MYO18A: variants seen among roughly 807,000 people sequenced by gnomAD.
MYO18A encodes the protein myosin XVIIIA, also known as unconventional myosin-XVIIIa.
Under a neutral mutation model 235.8 loss-of-function variants are expected in MYO18A, and 78 were observed. That is an observed-to-expected ratio of 0.33 (90% CI 0.28 to 0.40). The LOEUF (loss-of-function observed/expected upper bound fraction) is 0.40. Ranked by LOEUF, MYO18A falls within the 10% of genes least tolerant of loss-of-function variation. MYO18A has a pLI of 1.00. For missense variants in MYO18A, 2,215 were observed against 2,699.3 expected, an observed-to-expected ratio of 0.82 and a Z score of 3.98; for synonymous variants, 977 against 1,077.8, an observed-to-expected ratio of 0.91 and a Z score of 1.83.
In MYO18A at chr17:29,106,632, G is replaced by C. The variant is rs1229582637; in HGVS notation, c.3441+448C>G. Among the ~76,000 whole-genome samples, 1 of 152,178 alleles carries C rather than the reference G, an allele frequency of 6.6e-6. No homozygotes were observed. The highest frequency in any genetic ancestry group is 2.4e-5 in the African/African-American group (1 of 41,438). ...GCCACAAGTTCACCAACCAGGGCCG[G>C]CAAATGGCCCGGCAGCCTATGTTCA... On this transcript the variant is annotated intron_variant, in intron 20 of 41. Transcript: ENST00000527372. This position sits in a 1 kb window ranked among gnomAD's most constrained non-coding sequence, Gnocchi z 4.6.
Position 29,121,452 on chromosome 17 carries a change from G to A in MYO18A, c.1371+95C>T. Reference sequence around the variant, plus strand: ...CTTCCCAAGGTCAACTGTGAGAGTGGACAGGAGCCCAGTGGGGTGCCACAG... The same window carrying A: ...CTTCCCAAGGTCAACTGTGAGAGTGAACAGGAGCCCAGTGGGGTGCCACAG... On this transcript the variant is annotated intron_variant, in intron 5 of 41. Transcript: ENST00000527372. This position sits in a 1 kb window ranked among gnomAD's most constrained non-coding sequence, Gnocchi z 4.2. The A allele has an allele frequency of 1.5e-6, 2 of 1,338,408 alleles. No individual in the cohort carries two copies. Among genetic ancestry groups the A allele is most frequent in the Non-Finnish European group, 2.0e-6 (2 of 988,496 alleles). 82.9% of individuals were successfully genotyped at this position (1,338,408 alleles called of 1,614,324 possible). A position where few individuals can be genotyped will look rare whatever the true frequency, so the allele number is the denominator to read the frequency against.
At chr17:29,112,091 G>C (rs2066944454) in intron 15 of MYO18A, among the ~76,000 whole-genome samples, 1 of 152,184 alleles carries the variant, frequency 6.6e-6, no homozygotes, top group African/African-American at 2.4e-5. Context: ...AGCAAAAGAG[G>C]GTGCTTAGCA....
rs562941741 is a variant in MYO18A, at chr17:29,170,615, G to A, written c.-81-3594C>T. Among the ~76,000 whole-genome samples the A allele has an allele frequency of 7.9e-5, 12 of 152,150 alleles. No individual in the cohort carries two copies. In the South Asian group the frequency reaches 2.5e-3, roughly 32 times the overall value. On this transcript the variant is annotated intron_variant, in intron 1 of 41. Coordinates refer to ENST00000527372, the MANE Select transcript of MYO18A (RefSeq NM_078471.4). ...TATAATTTTCCTGACCTCCTTTTCT[G>A]CGTTTCTCTCCTCATCATACTCTAA... is the stretch of plus-strand genomic sequence containing the variant.
At chr17:29,080,403 G>A in intron 41 of MYO18A, 1 of 986,138 alleles carries the variant, frequency 1.0e-6, no homozygotes, top group Non-Finnish European at 1.2e-6. Flanking sequence ...ACGGGTGGCT[G>A]TACTGCGAGC....
intron 28 of MYO18A, among the ~76,000 whole-genome samples, chr17:29,095,534 C>T (rs984241101): frequency 2.6e-5 from 4 of 152,228 alleles, no homozygotes; most frequent in African/African-American, 9.6e-5. Context: ...GCCAGGACCA[C>T]GCACCCCAGC....
In MYO18A at chr17:29,140,491, G is replaced by C; in HGVS notation, c.1000-18238C>G. 8.9e-7 allele frequency: 1 copy of C among 1,120,280 alleles called. No homozygotes were observed. The highest frequency in any genetic ancestry group is 1.1e-6 in the Non-Finnish European group (1 of 883,208). The allele number at this position is 1,120,280 out of a possible 1,614,324, so 69.4% of individuals were successfully genotyped here. On this transcript the variant is annotated intron_variant, in intron 2 of 41. Coordinates refer to ENST00000527372, the MANE Select transcript of MYO18A (RefSeq NM_078471.4). The surrounding 1 kb of genome is among the most constrained non-coding windows in gnomAD (Gnocchi z 4.2). ...TCCCGTCCCGAGCTGCCCAGCCCTA[G>C]TTGGAGCCAGCAGCCCGGAGGACTT...
In MYO18A at chr17:29,166,186, C is replaced by G. The variant is rs777565962; in HGVS notation, c.755G>C (p.Arg252Pro). 1.2e-6 allele frequency: 2 copies of G among 1,612,832 alleles called. No homozygotes were observed. The highest frequency in any genetic ancestry group is 1.7e-6 in the Non-Finnish European group (2 of 1,179,884). ...DRGPEGQACR[R>P]VVHFAEPGAG... ...ACCAGGCTCAGCAAAGTGGACCACA[C>G]GCCGACAGGCCTGGCCCTCGGGGCC... The change falls in exon 2 of 42, where the codon CGT (arginine) becomes CCT (proline). Residue 252 changes from arginine (R) to proline (P), a missense_variant. By Grantham distance (103) the Arg-to-Pro change is moderately radical. Coordinates refer to ENST00000527372, the MANE Select transcript of MYO18A (RefSeq NM_078471.4).
intron 38 of MYO18A, 45 bp from the exon 39 acceptor site, chr17:29,086,622 C>T (rs762746585): frequency 1.3e-6 from 2 of 1,598,106 alleles, no homozygotes; most frequent in East Asian, 2.2e-5. Flanking sequence ...GCTAGCTTCT[C>T]CCCTAGATGG....
At chr17:29,116,613 G>GCACACACACACACACACACACACACACA (rs144361514) in intron 10 of MYO18A, among the ~76,000 whole-genome samples, 158 bp from the exon 11 acceptor site, 85 of 144,922 alleles carry the variant, frequency 5.9e-4, no homozygotes, top group South Asian at 2.9e-3. Flanking sequence ...TGGGACAAAC[G>GCACACACACACACACACACACACACACA]CACACACACA....
chr17:29,113,360 G>A (rs2066980412), intron 15 of MYO18A, among the ~76,000 whole-genome samples: 1 of 152,208 alleles, frequency 6.6e-6, no homozygotes, highest in African/African-American at 2.4e-5. Flanking sequence ...TTTCCCTAAT[G>A]GCGGACAATC....
intron 37 of MYO18A, among the ~76,000 whole-genome samples, chr17:29,088,563 CAT>C (rs1186705656): frequency 6.6e-6 from 1 of 151,938 alleles, no homozygotes; most frequent in Non-Finnish European, 1.5e-5. Context: ...CAACCACACT[CAT>C]CAACACAGGG....
At chr17:29,077,405 C>A (rs1260845849) in intron 41 of MYO18A, 1 of 152,288 alleles carries the variant, frequency 6.6e-6, no homozygotes, top group Non-Finnish European at 1.5e-5. Flanking sequence ...AAGCCCAGGG[C>A]GGCAGCTCCC....
chr17:29,165,313 A>G (rs2068255622), intron 2 of MYO18A: 1 of 152,210 alleles, frequency 6.6e-6, no homozygotes, highest in Admixed American at 6.5e-5. Flanking sequence ...ATTGTCTCTT[A>G]TATCTGGAAG....
chr17:29,128,153 G>A, intron 2 of MYO18A: 1 of 1,116,026 alleles, frequency 9.0e-7, no homozygotes, highest in Non-Finnish European at 1.1e-6. Flanking sequence ...CTCATCCTTG[G>A]CTGCCTCCTT....
At chr17:29,119,228 G>T in intron 8 of MYO18A, 107 bp downstream of exon 8, 2 of 788,914 alleles carry the variant, frequency 2.5e-6, no homozygotes, top group Non-Finnish European at 4.2e-6. Context: ...ACCAAACAGT[G>T]CAGGATGCGA....
chr17:29,160,457 G>T (rs1053092724), intron 2 of MYO18A, among the ~76,000 whole-genome samples: 5 of 152,190 alleles, frequency 3.3e-5, no homozygotes, highest in African/African-American at 1.2e-4. Flanking sequence ...AGACTTCTGC[G>T]ATAGCAGCTT....
Position 29,110,596 on chromosome 17 carries a change from C to T in MYO18A, c.2927G>A (p.Gly976Asp), listed in dbSNP as rs557706165. 2.5e-5 allele frequency: 40 copies of T among 1,605,708 alleles called. No individual in the cohort carries two copies. The South Asian group carries it at 4.2e-4, about 17-fold the overall frequency. The change falls in exon 18 of 42, where the codon GGC (glycine) becomes GAC (aspartate). Residue 976 changes from glycine (G) to aspartate (D), a missense_variant. Gly to Asp is a moderately conservative substitution (Grantham distance 94, BLOSUM62 -1). Transcript: ENST00000527372. ...GAGCACCGTGGCACTGCCTGCGCGG[C>T]CCAGAAACAGGTTGCTGATGATTTT... ...QKKIISNLFL[G>D]RAGSATVLSG...
chr17:29,089,175 G>A (rs2066331961), intron 37 of MYO18A, among the ~76,000 whole-genome samples: 1 of 151,844 alleles, frequency 6.6e-6, no homozygotes. Context: ...TTTCATGCCT[G>A]TAATCCCAGC....
chr17:29,100,746 C>T (rs2066633831), intron 21 of MYO18A, among the ~76,000 whole-genome samples: 1 of 152,238 alleles, frequency 6.6e-6, no homozygotes, highest in African/African-American at 2.4e-5. Flanking sequence ...ATGTGAACAT[C>T]ATGGGAAACA....
Sources: gnomAD v4.1 joint callset for allele counts (sites outside exome capture counted in the v4.1 genomes callset) on GRCh38, gnomAD v4.1.1 for gene constraint, Gnocchi (gnomAD v3.1) non-coding constraint, MANE v1.5 for transcripts, NCBI Gene and HGNC (gene_info 2026-07-23, HGNC 2026-07-21) for gene names.